Variants in SIK2 observed in about 807,000 individuals in gnomAD.
SIK2 encodes the protein serine/threonine-protein kinase SIK2.
A neutral mutation model predicts 103.2 loss-of-function variants in SIK2; 29 were observed. The observed-to-expected ratio is 0.28, with a 90% CI of 0.21 to 0.38. SIK2 has a LOEUF of 0.38. SIK2 is among the 10% of genes least tolerant of loss of function. The pLI, the probability that SIK2 is intolerant of heterozygous loss-of-function variation, is 1.00. For missense variants in SIK2, 879 were observed against 1,171.0 expected, an observed-to-expected ratio of 0.75 and a Z score of 3.64; for synonymous variants, 412 against 446.1, an observed-to-expected ratio of 0.92 and a Z score of 0.96.
Position 111,688,337 on chromosome 11 carries a change from G to T in SIK2, c.478+175G>T, listed in dbSNP as rs1425364806. Among the ~76,000 whole-genome samples the T allele has an allele frequency of 6.6e-6, 1 of 152,196 alleles. No individual in the cohort carries two copies. Among genetic ancestry groups the T allele is most frequent in the Non-Finnish European group, 1.5e-5 (1 of 68,020 alleles). ...TGTGTGTAATTAAAAGTAAGGGAAT[G>T]AGTTCATTATTAATATACACAGGTC... is the stretch of plus-strand genomic sequence containing the variant. On this transcript the variant is annotated intron_variant, in intron 4 of 14. Transcript: ENST00000304987. This position sits in a 1 kb window ranked among gnomAD's most constrained non-coding sequence, Gnocchi z 4.2.
intron 3 of SIK2, among the ~76,000 whole-genome samples, chr11:111,664,691 AC>A (rs534513803): frequency 3.9e-5 from 4 of 101,288 alleles, no homozygotes; most frequent in Non-Finnish European, 8.1e-5. Flanking sequence ...CCCCATCACC[AC>A]CCCCCCCACA....
intron 3 of SIK2, among the ~76,000 whole-genome samples, chr11:111,635,903 G>T (rs2135852272): frequency 6.6e-6 from 1 of 152,330 alleles, no homozygotes; most frequent in Admixed American, 6.5e-5. Context: ...AGAAGCATCA[G>T]CTATTCTGAT....
At chr11:111,623,850 T>C (rs1322061745) in intron 3 of SIK2, among the ~76,000 whole-genome samples, 3 of 152,220 alleles carry the variant, frequency 2.0e-5, no homozygotes, top group Non-Finnish European at 2.9e-5. Context: ...CTCACTCTTA[T>C]CTGGGACTCT....
chr11:111,677,549 C>CTGAGATTA (rs1942719555), intron 3 of SIK2, among the ~76,000 whole-genome samples: 1 of 149,822 alleles, frequency 6.7e-6, no homozygotes, highest in Non-Finnish European at 1.5e-5. Context: ...TCCTGAGTAG[C>CTGAGATTA]TGAGATTACA....
At chr11:111,685,896 A>G (rs1202765346) in intron 3 of SIK2, among the ~76,000 whole-genome samples, 2 of 152,156 alleles carry the variant, frequency 1.3e-5, no homozygotes, top group Admixed American at 1.3e-4. Flanking sequence ...TAGGATTTCA[A>G]CAGGAGTCTA....
intron 3 of SIK2, among the ~76,000 whole-genome samples, chr11:111,642,719 C>T (rs150505515): frequency 1.3e-5 from 2 of 150,490 alleles, no homozygotes; most frequent in African/African-American, 2.5e-5. Context: ...GGTACCAACC[C>T]GCTAGTCACA....
At chr11:111,710,963 G>A (rs1943478585) in intron 8 of SIK2, among the ~76,000 whole-genome samples, 1 of 152,084 alleles carries the variant, frequency 6.6e-6, no homozygotes, top group Non-Finnish European at 1.5e-5. Context: ...TATGATGATT[G>A]TTTTCTCAGA....
At chr11:111,703,540 A>G (rs1374613844) in intron 7 of SIK2, 117 bp downstream of exon 7, 2 of 818,288 alleles carry the variant, frequency 2.4e-6, no homozygotes, top group Non-Finnish European at 3.9e-6. Context: ...CGTACTGTTC[A>G]GTGTTCCCTA....
Position 111,686,269 on chromosome 11 carries a change from C to T in SIK2, c.317-1732C>T, listed in dbSNP as rs190157076. On this transcript the variant is annotated intron_variant, in intron 3 of 14. Transcript: ENST00000304987. ...CAGCCCGGGCAACATGGTGAAACCT[C>T]GTCTCTACTACAAATACAAAATTTA... 4.9e-4 allele frequency among the ~76,000 whole-genome samples: 74 copies of T among 152,182 alleles called. No individual in the cohort carries two copies. In the East Asian group the frequency reaches 7.7e-3, roughly 16 times the overall value.
intron 4 of SIK2, among the ~76,000 whole-genome samples, chr11:111,692,302 G>A (rs1942960067): frequency 7.7e-6 from 1 of 129,636 alleles, no homozygotes; most frequent in Admixed American, 9.3e-5. Flanking sequence ...AGTGAGCTGA[G>A]ATCCTGCCAC....
At position 111,642,221 on chromosome 11, in the gene SIK2, C is replaced by T. The variant is rs569895204; in HGVS notation, c.316+21819C>T. Among the ~76,000 whole-genome samples, 9 of 152,272 alleles carry T rather than the reference C, an allele frequency of 5.9e-5. No homozygotes were observed. In the South Asian group the frequency reaches 1.7e-3, roughly 28 times the overall value. On this transcript the variant is annotated intron_variant, in intron 3 of 14. Coordinates refer to ENST00000304987, the MANE Select transcript of SIK2 (RefSeq NM_015191.3). ...TTCATTTCAATTCTGATACTAACTA[C>T]GCAGAGCTAGCCTCAGATGTGATAG...
chr11:111,670,815 C>A (rs1942614795), intron 3 of SIK2: 1 of 152,296 alleles, frequency 6.6e-6, no homozygotes, highest in African/African-American at 2.4e-5. Flanking sequence ...AGGCAATAAA[C>A]TCCTCCAAGG....
intron 3 of SIK2, among the ~76,000 whole-genome samples, chr11:111,648,234 G>GTT (rs1942283167): frequency 6.6e-6 from 1 of 152,070 alleles, no homozygotes; most frequent in Non-Finnish European, 1.5e-5. Context: ...ATTTAAAGCA[G>GTT]TTTATTTTAA....
chr11:111,668,235 T>C (rs1942576236), intron 3 of SIK2, among the ~76,000 whole-genome samples: 1 of 152,034 alleles, frequency 6.6e-6, no homozygotes, highest in Non-Finnish European at 1.5e-5. Context: ...TCCATCCACA[T>C]GCACAAGGGA....
chr11:111,712,907 G>A (rs1591639391), intron 9 of SIK2, among the ~76,000 whole-genome samples: 1 of 152,310 alleles, frequency 6.6e-6, no homozygotes, highest in East Asian at 1.9e-4. Flanking sequence ...GCTCAAGCCT[G>A]TAATCCCAGC....
At chr11:111,626,981 A>G (rs1286650986) in intron 3 of SIK2, among the ~76,000 whole-genome samples, 1 of 152,168 alleles carries the variant, frequency 6.6e-6, no homozygotes, top group African/African-American at 2.4e-5. Context: ...AAGGTAGAAG[A>G]AAAAGAGATT....
chr11:111,641,891 T>C (rs1200273162), intron 3 of SIK2, among the ~76,000 whole-genome samples: 8 of 152,232 alleles, frequency 5.3e-5, no homozygotes, highest in Admixed American at 5.2e-4. Context: ...CATAAGTAAC[T>C]TTGGAAGAGT....
chr11:111,687,741 G>T (rs1309443457), intron 3 of SIK2, among the ~76,000 whole-genome samples: 2 of 151,612 alleles, frequency 1.3e-5, no homozygotes, highest in Non-Finnish European at 2.9e-5. Flanking sequence ...CAGTAGCTAG[G>T]ACTACAGGCA....
intron 3 of SIK2, among the ~76,000 whole-genome samples, chr11:111,621,638 G>C (rs1941887602): frequency 6.6e-6 from 1 of 152,080 alleles, no homozygotes; most frequent in Non-Finnish European, 1.5e-5. Flanking sequence ...CCTTGGCTGG[G>C]CACAGTGGCT....
Sources: gnomAD v4.1 joint callset for allele counts (sites outside exome capture counted in the v4.1 genomes callset) on GRCh38, gnomAD v4.1.1 for gene constraint, Gnocchi (gnomAD v3.1) non-coding constraint, MANE v1.5 for transcripts, NCBI Gene and HGNC (gene_info 2026-07-23, HGNC 2026-07-21) for gene names.